The following CCSER1 variants were observed in gnomAD, a reference collection of about 807,000 sequenced individuals.
The protein encoded by CCSER1 is serine-rich coiled-coil domain-containing protein 1.
CCSER1 carries 41 observed loss-of-function variants against 82.0 expected under a neutral mutation model. That is an observed-to-expected ratio of 0.50 (90% CI 0.39 to 0.65). The LOEUF (loss-of-function observed/expected upper bound fraction) is 0.65, where lower values mean the gene tolerates loss of function less well. CCSER1 is among the 30% of genes least tolerant of loss of function. The pLI, the probability that CCSER1 is intolerant of heterozygous loss-of-function variation, is 0.00. For missense variants in CCSER1, 1,119 were observed against 1,064.2 expected (o/e 1.05, Z -0.72); for synonymous variants, 414 against 383.9 (o/e 1.08, Z -0.92).
At chr4:90,633,767 G>A (rs985223264) in intron 6 of CCSER1, among the ~76,000 whole-genome samples, 1 of 151,644 alleles carries the variant, frequency 6.6e-6, no homozygotes, top group Admixed American at 6.6e-5. Flanking sequence ...ATGGTCTGTC[G>A]ACCTCCTAGA....
chr4:90,732,665 A>G (rs1224158420), intron 7 of CCSER1, among the ~76,000 whole-genome samples: 1 of 152,198 alleles, frequency 6.6e-6, no homozygotes, highest in Non-Finnish European at 1.5e-5. Context: ...GTTCTTAGAT[A>G]CCAACCAGTG....
intron 9 of CCSER1, among the ~76,000 whole-genome samples, chr4:91,067,143 GAC>G (rs1414631169): frequency 6.6e-6 from 1 of 150,428 alleles, no homozygotes; most frequent in African/African-American, 2.4e-5. Flanking sequence ...CAGCCTGGGC[GAC>G]AGAGCCAGAC....
intron 3 of CCSER1, among the ~76,000 whole-genome samples, chr4:90,318,592 A>G (rs538731714): frequency 1.4e-4 from 21 of 152,224 alleles, no homozygotes; most frequent in Non-Finnish European, 2.8e-4. Flanking sequence ...GCAGATCGTT[A>G]GCATCTCATA....
intron 9 of CCSER1, among the ~76,000 whole-genome samples, chr4:91,065,906 T>G (rs112260281): frequency 0.022 from 3,283 of 152,280 alleles, 105 homozygotes; most frequent in African/African-American, 0.073. Context: ...TGATTCAATA[T>G]GTACTAATTT....
intron 1 of CCSER1, among the ~76,000 whole-genome samples, chr4:90,153,756 G>C (rs1365550177): frequency 6.6e-6 from 1 of 152,062 alleles, no homozygotes; most frequent in African/African-American, 2.4e-5. Context: ...AAATTTGTTT[G>C]AGTTCATTGT....
intron 4 of CCSER1, among the ~76,000 whole-genome samples, chr4:90,414,185 A>T (rs1273432445): frequency 6.6e-6 from 1 of 150,622 alleles, no homozygotes; most frequent in Non-Finnish European, 1.5e-5. Context: ...GAGGAAAAAA[A>T]TTTAAAAATA....
At chr4:91,368,177 G>C (rs1159487036) in intron 10 of CCSER1, among the ~76,000 whole-genome samples, 1 of 152,012 alleles carries the variant, frequency 6.6e-6, no homozygotes, top group Non-Finnish European at 1.5e-5. Flanking sequence ...TGTCAGAAGA[G>C]ATAACTAAAA....
chr4:90,598,344 G>A (rs1783604683), intron 5 of CCSER1, among the ~76,000 whole-genome samples: 1 of 152,044 alleles, frequency 6.6e-6, no homozygotes. Flanking sequence ...ATGTATACAT[G>A]TGCCATGTTG....
chr4:90,724,021 T>TA, intron 7 of CCSER1, 30 bp downstream of exon 7: 1 of 1,310,966 alleles, frequency 7.6e-7, no homozygotes, highest in Non-Finnish European at 1.1e-6. Flanking sequence ...GCATTATTTA[T>TA]AAAAATATTA....
chr4:91,360,941 C>T (rs985619318), intron 10 of CCSER1, among the ~76,000 whole-genome samples: 2 of 151,894 alleles, frequency 1.3e-5, no homozygotes, highest in South Asian at 2.1e-4. Context: ...CTGATTTAGA[C>T]AGTGTAGTTA....
chr4:90,889,226 T>G (rs1473149729), intron 8 of CCSER1, among the ~76,000 whole-genome samples: 1 of 152,158 alleles, frequency 6.6e-6, no homozygotes, highest in Non-Finnish European at 1.5e-5. Context: ...TTATTTTACT[T>G]TTACTCTCAA....
intron 3 of CCSER1, among the ~76,000 whole-genome samples, chr4:90,342,731 T>A (rs1741623691): frequency 6.6e-6 from 1 of 152,170 alleles, no homozygotes; most frequent in Admixed American, 6.5e-5. Context: ...AAGTTTTCCA[T>A]ACTCCAGGAC....
At chr4:90,822,264 A>G (rs1429991170) in intron 8 of CCSER1, among the ~76,000 whole-genome samples, 1 of 152,228 alleles carries the variant, frequency 6.6e-6, no homozygotes, top group Admixed American at 6.5e-5. Context: ...AATGTTAAAC[A>G]GATTTGTATG....
intron 10 of CCSER1, among the ~76,000 whole-genome samples, chr4:91,098,012 TA>T (rs1166847231): frequency 1.3e-5 from 2 of 152,148 alleles, no homozygotes; most frequent in Admixed American, 1.3e-4. Flanking sequence ...CTCAGAGACT[TA>T]AAGAAACATA....
intron 5 of CCSER1, among the ~76,000 whole-genome samples, chr4:90,579,722 A>C (rs2148627407): frequency 6.6e-6 from 1 of 152,286 alleles, no homozygotes; most frequent in East Asian, 1.9e-4. Context: ...CATTTTATAA[A>C]TCTTTGAAAC....
At chr4:91,014,453 A>C (rs534785609) in intron 9 of CCSER1, among the ~76,000 whole-genome samples, 3 of 133,994 alleles carry the variant, frequency 2.2e-5, no homozygotes, top group Admixed American at 7.4e-5. Flanking sequence ...CCTACTCCTA[A>C]ATTTGTGCTA....
intron 10 of CCSER1, among the ~76,000 whole-genome samples, chr4:91,512,796 T>G (rs115775567): frequency 0.039 from 5,916 of 152,268 alleles, 156 homozygotes; most frequent in Middle Eastern, 0.082. Flanking sequence ...TACTACCTAT[T>G]TTTGTACATT....
chr4:90,146,321 G>T (rs868627237), intron 1 of CCSER1, among the ~76,000 whole-genome samples: 2 of 151,900 alleles, frequency 1.3e-5, no homozygotes, highest in Admixed American at 1.3e-4. Flanking sequence ...AATTTTTATG[G>T]AGCATAAAAT....
At chr4:91,204,364 T>C (rs1214601998) in intron 10 of CCSER1, among the ~76,000 whole-genome samples, 1 of 151,774 alleles carries the variant, frequency 6.6e-6, no homozygotes, top group Non-Finnish European at 1.5e-5. Context: ...CGAATGAAAT[T>C]GATTAAGCCA....
Sources: allele counts gnomAD v4.1 joint callset (sites outside exome capture counted in the v4.1 genomes callset), GRCh38; gene constraint gnomAD v4.1.1; transcripts MANE v1.5; gene names NCBI Gene and HGNC (gene_info 2026-07-23, HGNC 2026-07-21).